AUTS2: variants seen among roughly 807,000 people sequenced by gnomAD.
AUTS2 encodes the protein activator of transcription and developmental regulator AUTS2.
Under a neutral mutation model 112.4 loss-of-function variants are expected in AUTS2, and 17 were observed. The observed-to-expected ratio is 0.15, with a 90% CI of 0.10 to 0.23. The LOEUF (loss-of-function observed/expected upper bound fraction) is 0.23, where lower values mean the gene tolerates loss of function less well. Among genes scored for constraint, AUTS2 ranks in the 10% least tolerant of loss-of-function variants. The probability of loss-of-function intolerance (pLI) is 1.00; values close to 1 mark genes in which losing one functional copy is unlikely to be tolerated. For missense variants in AUTS2, 1,510 were observed against 1,701.6 expected, an observed-to-expected ratio of 0.89 and a Z score of 1.98; for synonymous variants, 751 against 702.7, an observed-to-expected ratio of 1.07 and a Z score of -1.09.
chr7:69,782,873 A>G (rs1325950622), intron 1 of AUTS2, among the ~76,000 whole-genome samples: 1 of 152,110 alleles, frequency 6.6e-6, no homozygotes, highest in Non-Finnish European at 1.5e-5. Flanking sequence ...AATTATTTTA[A>G]TGGTCTCTAA....
intron 1 of AUTS2, among the ~76,000 whole-genome samples, chr7:69,832,080 G>GA (rs1791526173): frequency 6.6e-6 from 1 of 152,142 alleles, no homozygotes; most frequent in Non-Finnish European, 1.5e-5. Context: ...AAAACTCAGA[G>GA]AAGGACCTCC....
At chr7:70,605,044 G>A (rs1317961501) in intron 5 of AUTS2, among the ~76,000 whole-genome samples, 1 of 152,166 alleles carries the variant, frequency 6.6e-6, no homozygotes, top group Non-Finnish European at 1.5e-5. Flanking sequence ...AATGTTTTAG[G>A]GCGGTTCCAT....
At chr7:70,357,948 T>G (rs914751547) in intron 4 of AUTS2, among the ~76,000 whole-genome samples, 1 of 151,220 alleles carries the variant, frequency 6.6e-6, no homozygotes, top group African/African-American at 2.5e-5. Context: ...GCTTGGGAGG[T>G]GCAAATCCTT....
intron 1 of AUTS2, among the ~76,000 whole-genome samples, chr7:69,613,851 T>C (rs1793174017): frequency 6.6e-6 from 1 of 152,202 alleles, no homozygotes; most frequent in Admixed American, 6.5e-5. Context: ...TAAATAGCTC[T>C]TTTTGCTTTT....
intron 2 of AUTS2, among the ~76,000 whole-genome samples, chr7:70,006,908 A>G (rs1799568904): frequency 6.6e-6 from 1 of 152,176 alleles, no homozygotes; most frequent in South Asian, 2.1e-4. Flanking sequence ...TGCTTCCATA[A>G]GAATTTGAGA....
chr7:70,133,099 T>G (rs1039715962), intron 3 of AUTS2, among the ~76,000 whole-genome samples: 4 of 152,174 alleles, frequency 2.6e-5, no homozygotes, highest in African/African-American at 9.7e-5. Context: ...TTTAAAAAAC[T>G]GAGTGCAGTG....
At chr7:70,160,776 T>C (rs1808036384) in intron 4 of AUTS2, among the ~76,000 whole-genome samples, 1 of 152,220 alleles carries the variant, frequency 6.6e-6, no homozygotes, top group Admixed American at 6.5e-5. Context: ...TACATAAAAC[T>C]GTGTTTATTC....
chr7:70,626,671 C>T (rs1804967835), intron 5 of AUTS2, among the ~76,000 whole-genome samples: 1 of 152,164 alleles, frequency 6.6e-6, no homozygotes, highest in Non-Finnish European at 1.5e-5. Flanking sequence ...ATCCTTCCCT[C>T]TCGCCTCTCA....
chr7:69,673,346 G>T (rs1255450572), intron 1 of AUTS2, among the ~76,000 whole-genome samples: 4 of 152,168 alleles, frequency 2.6e-5, no homozygotes, highest in Non-Finnish European at 5.9e-5. Context: ...ATTAAAGGGA[G>T]CCCTGATCCT....
rs1019601907 is a variant in AUTS2, at chr7:69,837,739, ACT to A, written c.310-61540_310-61539del. 6.6e-5 allele frequency among the ~76,000 whole-genome samples: 10 copies of A among 152,162 alleles called. No homozygotes were observed. In the East Asian group the frequency reaches 9.6e-4, roughly 15 times the overall value. On this transcript the variant is annotated intron_variant, in intron 1 of 18. Coordinates refer to ENST00000342771, the MANE Select transcript of AUTS2 (RefSeq NM_015570.4). ...ACATGGTGTATTTTAAAAGCTCTTA[ACT>A]CTCTCTGGTATCATCGATTATGCTT...
At chr7:70,487,655 A>G (rs1379411892) in intron 5 of AUTS2, among the ~76,000 whole-genome samples, 3 of 152,194 alleles carry the variant, frequency 2.0e-5, no homozygotes, top group African/African-American at 7.2e-5. Context: ...AATGTGATAA[A>G]TGAATAGGAA....
At chr7:69,871,259 TATTTC>T (rs984947028) in intron 1 of AUTS2, among the ~76,000 whole-genome samples, 2 of 152,200 alleles carry the variant, frequency 1.3e-5, no homozygotes, top group Non-Finnish European at 2.9e-5. Flanking sequence ...TTTAGAACAC[TATTTC>T]CAGCTTTCTG....
At chr7:70,119,451 G>C (rs945437763) in intron 3 of AUTS2, 1 of 150,140 alleles carries the variant, frequency 6.7e-6, no homozygotes, top group Non-Finnish European at 1.5e-5. Context: ...TGCAACCTTC[G>C]CCTCCCGAGT....
At chr7:70,652,612 T>C (rs1372575900) in intron 5 of AUTS2, among the ~76,000 whole-genome samples, 1 of 152,182 alleles carries the variant, frequency 6.6e-6, no homozygotes, top group African/African-American at 2.4e-5. Context: ...TGGCCAGATG[T>C]GGTGGCGTGC....
intron 5 of AUTS2, among the ~76,000 whole-genome samples, chr7:70,692,079 G>A (rs1808784715): frequency 6.6e-6 from 1 of 152,006 alleles, no homozygotes; most frequent in Non-Finnish European, 1.5e-5. Context: ...TGTTAGCCAG[G>A]CTGGTCTCAA....
Position 70,245,624 on chromosome 7 carries a change from A to G in AUTS2, c.660+111053A>G, listed in dbSNP as rs73171749. Among the ~76,000 whole-genome samples, 853 of 152,252 alleles carry G rather than the reference A, an allele frequency of 5.6e-3. 4 individuals are homozygous for G. The highest frequency in any genetic ancestry group is 9.4e-3 in the Non-Finnish European group (636 of 68,012). On this transcript the variant is annotated intron_variant, in intron 4 of 18. Coordinates refer to ENST00000342771, the MANE Select transcript of AUTS2 (RefSeq NM_015570.4). The stretch of plus-strand genomic sequence containing the variant: ...TAGTGTTCCATTGTATGAATATACT[A>G]TGGTTTACATATACCTTGTATTGAT...
chr7:70,576,172 C>T (rs1802156301), intron 5 of AUTS2, among the ~76,000 whole-genome samples: 1 of 152,138 alleles, frequency 6.6e-6, no homozygotes, highest in Non-Finnish European at 1.5e-5. Context: ...TAATCACCAA[C>T]ACCAGTGCAC....
chr7:70,051,483 G>A (rs1018564190), intron 2 of AUTS2, among the ~76,000 whole-genome samples: 1 of 152,130 alleles, frequency 6.6e-6, no homozygotes, highest in Non-Finnish European at 1.5e-5. Context: ...TTGGGAGGCC[G>A]AGGCAGGTGG....
chr7:70,747,478 A>T (rs1210149294), intron 6 of AUTS2, among the ~76,000 whole-genome samples: 1 of 152,180 alleles, frequency 6.6e-6, no homozygotes, highest in Non-Finnish European at 1.5e-5. Flanking sequence ...TTTATTTTTG[A>T]GACGGAGTCT....
Sources: allele counts gnomAD v4.1 joint callset (sites outside exome capture counted in the v4.1 genomes callset), GRCh38; gene constraint gnomAD v4.1.1; transcripts MANE v1.5; gene names NCBI Gene and HGNC (gene_info 2026-07-23, HGNC 2026-07-21).